The following ZC3H13 variants were observed in gnomAD, a reference collection of about 807,000 sequenced individuals.
The protein encoded by ZC3H13 is zinc finger CCCH domain-containing protein 13.
In ZC3H13, 64 loss-of-function variants were observed where a neutral mutation model predicts 204.1. The ratio of observed to expected loss-of-function variants is 0.31; its 90% CI spans 0.26 to 0.39. The LOEUF is 0.39. ZC3H13 is among the 10% of genes least tolerant of loss of function. The pLI is 1.00. For synonymous variants in ZC3H13, 667 were observed against 693.7 expected (o/e 0.96, Z 0.60); for missense variants, 1,833 against 2,082.7 (o/e 0.88, Z 2.33).
At position 45,960,594 on chromosome 13, in the gene ZC3H13, C is replaced by A. The variant is rs999865420; in HGVS notation, c.4676-948G>T. 2.6e-5 allele frequency among the ~76,000 whole-genome samples: 4 copies of A among 152,056 alleles called. No homozygotes were observed. In the East Asian group the frequency reaches 5.8e-4, roughly 22 times the overall value. ...AGAAAACACTGAACATACAAAAAAA[C>A]CCCAGAAGAATTAAGGAAAGATAGA... On this transcript the variant is annotated intron_variant, in intron 17 of 18. Transcript: ENST00000679008.
chr13:45,990,480 C>T (rs188646311), intron 8 of ZC3H13, among the ~76,000 whole-genome samples: 15 of 152,234 alleles, frequency 9.9e-5, no homozygotes, highest in Non-Finnish European at 7.4e-5. Flanking sequence ...AGTCAGCTAA[C>T]TAGAACACTA....
intron 4 of ZC3H13, among the ~76,000 whole-genome samples, chr13:46,026,756 C>T (rs1389752136): frequency 6.6e-6 from 1 of 152,096 alleles, no homozygotes; most frequent in Non-Finnish European, 1.5e-5. Context: ...CCGAAAATAA[C>T]TGTCATAGTT....
intron 12 of ZC3H13, among the ~76,000 whole-genome samples, chr13:45,971,499 A>C (rs1952581775): frequency 6.6e-6 from 1 of 152,184 alleles, no homozygotes; most frequent in South Asian, 2.1e-4. Flanking sequence ...CTCAGCTCAA[A>C]CAAAAATCAG....
At chr13:45,999,385 T>G (rs1191170924) in intron 8 of ZC3H13, among the ~76,000 whole-genome samples, 5 of 152,226 alleles carry the variant, frequency 3.3e-5, no homozygotes, top group African/African-American at 1.2e-4. Context: ...TGTGACACTC[T>G]GAATTCTTTG....
Position 46,045,510 on chromosome 13 carries a change from T to G in ZC3H13, c.-3A>C, listed in dbSNP as rs752195437. ...ACCTTCCTTCTAATTTTTGACATTT[T>G]GTACTACTTCAACCAAAAAAGAAAG... On this transcript the variant is annotated 5_prime_UTR_variant, in exon 2 of 19. Coordinates refer to ENST00000679008, the MANE Select transcript of ZC3H13 (RefSeq NM_001330564.2). 11 of 1,611,232 alleles carry G rather than the reference T, an allele frequency of 6.8e-6. No homozygotes were observed. Among genetic ancestry groups the G allele is most frequent in the Non-Finnish European group, 8.5e-6 (10 of 1,177,422 alleles).
Position 46,042,275 on chromosome 13 carries a change from C to T in ZC3H13, c.228G>A (p.Arg76=), listed in dbSNP as rs1381547210. The T allele has an allele frequency of 1.9e-6, 3 of 1,607,186 alleles. No homozygotes were observed. The highest frequency in any genetic ancestry group is 1.1e-5 in the South Asian group (1 of 89,930). ...GATCCCCTGTAGGTCTTTCTGGTGACCTTTGAACCAAAACACAGAAACAAA... is the reference window on the plus strand; with the variant it reads ...GATCCCCTGTAGGTCTTTCTGGTGATCTTTGAACCAAAACACAGAAACAAA... The part of the protein sequence containing the change: ...RGKGYSSNYR[R]SPERPTGDLR... Residue 76 remains arginine (R), a splice_region_variant and synonymous_variant, in exon 4 of 19, where the codon AGG becomes AGA. Coordinates refer to ENST00000679008, the MANE Select transcript of ZC3H13 (RefSeq NM_001330564.2).
At chr13:46,010,559 A>AAGG in intron 6 of ZC3H13, 54 bp from the exon 7 acceptor site, 1 of 1,552,794 alleles carries the variant, frequency 6.4e-7, no homozygotes, top group South Asian at 1.1e-5. Context: ...ATGGTACAAC[A>AAGG]AGACTTACAG....
At chr13:46,047,705 T>C (rs2044071615) in intron 1 of ZC3H13, among the ~76,000 whole-genome samples, 2 of 138,730 alleles carry the variant, frequency 1.4e-5, no homozygotes, top group Non-Finnish European at 1.7e-5. Context: ...GATTCAATAA[T>C]AAGTAAATGT....
At chr13:45,980,521 C>T (rs552339052) in intron 10 of ZC3H13, among the ~76,000 whole-genome samples, 1 of 152,262 alleles carries the variant, frequency 6.6e-6, no homozygotes, top group South Asian at 2.1e-4. Flanking sequence ...GCAAAGTACA[C>T]TAATGTCTTT....
In ZC3H13 at chr13:45,956,077, T is replaced by C. The variant is rs1283923296; in HGVS notation, c.*1050A>G. On this transcript the variant is annotated 3_prime_UTR_variant, in exon 19 of 19. Transcript: ENST00000679008. ...ACTTCATGAGTTAAACATATACATA[T>C]AGAACAAAGCAGGTATACTGTAATT... 5 of 152,128 alleles carry C rather than the reference T, an allele frequency of 3.3e-5. No individual in the cohort carries two copies. The highest frequency in any genetic ancestry group is 1.2e-4 in the African/African-American group (5 of 41,440). The allele number at this position is 152,128 out of a possible 1,614,324, so 9.4% of individuals were successfully genotyped here. A position where few individuals can be genotyped will look rare whatever the true frequency, so the allele number is the denominator to read the frequency against.
At chr13:46,047,225 A>G (rs1490153524) in intron 1 of ZC3H13, among the ~76,000 whole-genome samples, 3 of 152,200 alleles carry the variant, frequency 2.0e-5, no homozygotes, top group Non-Finnish European at 4.4e-5. Flanking sequence ...TGGTGCATCA[A>G]GGAAGGAAAA....
At chr13:45,996,796 A>G (rs1016810758) in intron 8 of ZC3H13, among the ~76,000 whole-genome samples, 3 of 152,150 alleles carry the variant, frequency 2.0e-5, no homozygotes, top group Admixed American at 2.0e-4. Context: ...TGAAAACATG[A>G]AAGTTCTTAA....
At position 45,968,843 on chromosome 13, in the gene ZC3H13, T is replaced by C; in HGVS notation, c.3701A>G (p.Asp1234Gly). 6.2e-7 allele frequency: 1 copy of C among 1,614,092 alleles called. No individual in the cohort carries two copies. The highest frequency in any genetic ancestry group is 2.2e-5 in the East Asian group (1 of 44,872). ...RKRVLHSGSR[D>G]REKTKSLEIT... is the part of the protein sequence containing the mutation. ...TTCCAGGCTTTTTGTTTTTTCTCTA[T>C]CTCTTGAGCCACTGTGCAGTACTCT... The change falls in exon 14 of 19, where the codon GAT (aspartate) becomes GGT (glycine). Residue 1234 changes from aspartate to glycine, a missense_variant. Asp to Gly is a moderately conservative substitution (Grantham distance 94). Coordinates refer to ENST00000679008, the MANE Select transcript of ZC3H13 (RefSeq NM_001330564.2).
At chr13:46,043,498 A>G (rs758539765) in intron 3 of ZC3H13, among the ~76,000 whole-genome samples, 8 of 151,930 alleles carry the variant, frequency 5.3e-5, no homozygotes, top group Non-Finnish European at 1.2e-4. Context: ...TTTAGTATGA[A>G]CTTGTTTCTA....
chr13:46,008,612 G>A (rs929126594), intron 7 of ZC3H13, among the ~76,000 whole-genome samples: 4 of 152,108 alleles, frequency 2.6e-5, no homozygotes, highest in Non-Finnish European at 5.9e-5. Context: ...AAAAGATTAA[G>A]TTTCAAATAT....
chr13:46,013,031 T>C (rs529284751), intron 5 of ZC3H13, among the ~76,000 whole-genome samples: 3 of 152,256 alleles, frequency 2.0e-5, no homozygotes, highest in South Asian at 2.1e-4. Context: ...ATATCACCAA[T>C]ACAGAACACA....
At chr13:45,962,863 A>G in intron 17 of ZC3H13, 2 of 985,396 alleles carry the variant, frequency 2.0e-6, no homozygotes, top group Non-Finnish European at 2.4e-6. Flanking sequence ...TTAATAAAGT[A>G]TTAGTAAGTT....
At chr13:46,019,758 G>GT (rs1315951466) in intron 5 of ZC3H13, among the ~76,000 whole-genome samples, 1 of 152,006 alleles carries the variant, frequency 6.6e-6, no homozygotes, top group Non-Finnish European at 1.5e-5. Context: ...TAATTTCTTT[G>GT]TTTTTTTGTA....
intron 4 of ZC3H13, among the ~76,000 whole-genome samples, chr13:46,041,675 T>C (rs2043596490): frequency 6.6e-6 from 1 of 152,172 alleles, no homozygotes; most frequent in Admixed American, 6.5e-5. Flanking sequence ...ATTTTATTTC[T>C]CTTGGCTTCA....
Sources: allele counts gnomAD v4.1 joint callset (sites outside exome capture counted in the v4.1 genomes callset), GRCh38; gene constraint gnomAD v4.1.1; transcripts MANE v1.5; gene names NCBI Gene and HGNC (gene_info 2026-07-23, HGNC 2026-07-21).